ADAMTS17: variants seen among roughly 807,000 people sequenced by gnomAD.
ADAMTS17 encodes the protein A disintegrin and metalloproteinase with thrombospondin motifs 17.
A neutral mutation model predicts 141.5 loss-of-function variants in ADAMTS17; 113 were observed. The ratio of observed to expected loss-of-function variants is 0.80; its 90% CI spans 0.69 to 0.93. The LOEUF is 0.93. ADAMTS17 is among the 40% of genes least tolerant of loss of function. ADAMTS17 has a pLI of 0.00. For synonymous variants in ADAMTS17, 768 were observed against 630.6 expected (o/e 1.22, Z -3.27); for missense variants, 1,659 against 1,517.9 (o/e 1.09, Z -1.54).
At chr15:100,069,456 T>C (rs942053132) in intron 15 of ADAMTS17, among the ~76,000 whole-genome samples, 10 of 152,020 alleles carry the variant, frequency 6.6e-5, no homozygotes, top group East Asian at 1.9e-4. Flanking sequence ...TTCACCAAAG[T>C]TGAAATCAAG....
chr15:100,114,245 AAAG>A (rs1173254320), intron 13 of ADAMTS17, among the ~76,000 whole-genome samples: 2 of 152,010 alleles, frequency 1.3e-5, no homozygotes, highest in Non-Finnish European at 2.9e-5. Flanking sequence ...GTCACTCGCC[AAAG>A]AATTCCGCAG....
At chr15:100,043,728 C>T (rs1004369437) in intron 18 of ADAMTS17, among the ~76,000 whole-genome samples, 1 of 152,244 alleles carries the variant, frequency 6.6e-6, no homozygotes, top group South Asian at 2.1e-4. Context: ...AATATTTATT[C>T]TCTAGACCTA....
rs534270404 is a variant in ADAMTS17 at position 99,997,750 on chromosome 15, G to C, written c.2592-161C>G. Among the ~76,000 whole-genome samples the C allele has an allele frequency of 6.6e-6, 1 of 152,224 alleles. No individual in the cohort carries two copies. Among genetic ancestry groups the C allele is most frequent in the Non-Finnish European group, 1.5e-5 (1 of 68,042 alleles). On this transcript the variant is annotated intron_variant, in intron 18 of 21. Coordinates refer to ENST00000268070, the MANE Select transcript of ADAMTS17 (RefSeq NM_139057.4). This position sits in a 1 kb window ranked among gnomAD's most constrained non-coding sequence, Gnocchi z 4.7. ...ACCCTGGACATAACTCAGAGTATCG[G>C]CACAGAGGGAGTGACTTGAGTGGTC... is the stretch of plus-strand genomic sequence containing the variant.
At chr15:100,124,352 T>C (rs929508330) in intron 12 of ADAMTS17, among the ~76,000 whole-genome samples, 2 of 152,246 alleles carry the variant, frequency 1.3e-5, no homozygotes, top group African/African-American at 4.8e-5. Context: ...GAAAAGGATA[T>C]CCAAATGGCA....
intron 18 of ADAMTS17, among the ~76,000 whole-genome samples, chr15:100,027,990 C>G (rs2141474157): frequency 6.6e-6 from 1 of 152,258 alleles, no homozygotes; most frequent in East Asian, 1.9e-4. Flanking sequence ...ACTGGGGAGC[C>G]CTACCCAGAG....
At chr15:100,114,716 G>C (rs1185947962) in intron 13 of ADAMTS17, among the ~76,000 whole-genome samples, 1 of 152,184 alleles carries the variant, frequency 6.6e-6, no homozygotes, top group South Asian at 2.1e-4. Context: ...GAAACAGAAA[G>C]GAAGTGGGTG....
At chr15:100,305,685 A>G (rs1366212887) in intron 3 of ADAMTS17, among the ~76,000 whole-genome samples, 2 of 152,166 alleles carry the variant, frequency 1.3e-5, no homozygotes, top group African/African-American at 4.8e-5. Context: ...ATGTTATCTT[A>G]TCGTGAGGGT....
At chr15:100,065,181 A>G (rs989949824) in intron 15 of ADAMTS17, among the ~76,000 whole-genome samples, 1 of 152,258 alleles carries the variant, frequency 6.6e-6, no homozygotes. Flanking sequence ...AAATTACCCC[A>G]AGAAAGTAAT....
At chr15:99,984,567 T>G (rs1451718526) in intron 20 of ADAMTS17, among the ~76,000 whole-genome samples, 2 of 152,204 alleles carry the variant, frequency 1.3e-5, no homozygotes, top group Non-Finnish European at 2.9e-5. Flanking sequence ...AAGCCCCTAC[T>G]GGGCATTTCC....
At chr15:100,292,377 G>C (rs187935594) in intron 3 of ADAMTS17, among the ~76,000 whole-genome samples, 2 of 129,538 alleles carry the variant, frequency 1.5e-5, no homozygotes, top group African/African-American at 6.1e-5. Context: ...TACGAGAGAT[G>C]CTCACCCCGT....
chr15:100,142,320 G>A (rs565191441), intron 10 of ADAMTS17, among the ~76,000 whole-genome samples: 1 of 152,272 alleles, frequency 6.6e-6, no homozygotes, highest in East Asian at 1.9e-4. Flanking sequence ...CTGGGATTTT[G>A]CCCAGGTAGA....
chr15:100,115,634 C>T (rs1035333696), intron 13 of ADAMTS17, among the ~76,000 whole-genome samples: 1 of 152,138 alleles, frequency 6.6e-6, no homozygotes, highest in Non-Finnish European at 1.5e-5. Flanking sequence ...TGCCCGGGCC[C>T]ACCTTCACAC....
intron 15 of ADAMTS17, among the ~76,000 whole-genome samples, chr15:100,062,323 T>C (rs2033184914): frequency 1.3e-5 from 2 of 151,780 alleles, no homozygotes; most frequent in African/African-American, 2.4e-5. Flanking sequence ...TAGGAGGAGG[T>C]GGCAGGGCAG....
At chr15:99,992,916 G>A (rs903059672) in intron 20 of ADAMTS17, 132 bp downstream of exon 20, 9 of 1,153,336 alleles carry the variant, frequency 7.8e-6, no homozygotes, top group Non-Finnish European at 1.1e-5. Context: ...GCAGCGGGTG[G>A]AAGGAAAATG....
At chr15:100,127,312 G>T (rs2037791514) in intron 12 of ADAMTS17, among the ~76,000 whole-genome samples, 1 of 152,126 alleles carries the variant, frequency 6.6e-6, no homozygotes. Context: ...TTCTTCCAAG[G>T]GAAGAAAAGG....
chr15:100,157,508 G>A (rs2039490182), intron 8 of ADAMTS17, among the ~76,000 whole-genome samples: 1 of 152,120 alleles, frequency 6.6e-6, no homozygotes. Flanking sequence ...AGGTATAGAT[G>A]GCCATATTTT....
intron 12 of ADAMTS17, among the ~76,000 whole-genome samples, chr15:100,124,802 C>A (rs2037641733): frequency 6.6e-6 from 1 of 152,072 alleles, no homozygotes; most frequent in African/African-American, 2.4e-5. Context: ...AGCTCTACCC[C>A]AAAATTTCCC....
At chr15:100,316,974 AC>A (rs1170712321) in intron 3 of ADAMTS17, among the ~76,000 whole-genome samples, 4 of 152,224 alleles carry the variant, frequency 2.6e-5, no homozygotes. Context: ...GACAGGCTCC[AC>A]ACGGTCATAC....
intron 7 of ADAMTS17, among the ~76,000 whole-genome samples, chr15:100,206,602 G>C (rs1223395485): frequency 6.6e-6 from 1 of 152,210 alleles, no homozygotes; most frequent in Non-Finnish European, 1.5e-5. Flanking sequence ...GGGTTAGAAT[G>C]CCCTCCCTCT....
Sources: allele counts gnomAD v4.1 joint callset (sites outside exome capture counted in the v4.1 genomes callset), GRCh38; gene constraint gnomAD v4.1.1; non-coding constraint Gnocchi (gnomAD v3.1); transcripts MANE v1.5; gene names NCBI Gene and HGNC (gene_info 2026-07-23, HGNC 2026-07-21).